PIK3CD: variants seen among roughly 807,000 people sequenced by gnomAD.
The protein encoded by PIK3CD is phosphatidylinositol 4,5-bisphosphate 3-kinase catalytic subunit delta isoform.
Under a neutral mutation model 122.9 loss-of-function variants are expected in PIK3CD, and 20 were observed. That is an observed-to-expected ratio of 0.16 (90% CI 0.11 to 0.24). The LOEUF (loss-of-function observed/expected upper bound fraction) is 0.24, where lower values mean the gene tolerates loss of function less well. PIK3CD is among the 10% of genes least tolerant of loss of function. PIK3CD has a pLI of 1.00. For synonymous variants in PIK3CD, 596 were observed against 593.4 expected, an observed-to-expected ratio of 1.00 and a Z score of -0.06; for missense variants, 787 against 1,406.3, an observed-to-expected ratio of 0.56 and a Z score of 7.04.
chr1:9,676,330 C>A (rs536757897), intron 1 of PIK3CD, among the ~76,000 whole-genome samples: 22 of 152,178 alleles, frequency 1.4e-4, no homozygotes, highest in Non-Finnish European at 2.5e-4. Flanking sequence ...CCGCCTCAGC[C>A]CCCCATAGTG....
chr1:9,717,411 G>A lies in PIK3CD; in HGVS notation c.931-126G>A. 1.0e-6 allele frequency: 1 copy of A among 991,712 alleles called. No homozygotes were observed. The highest frequency in any genetic ancestry group is 2.5e-5 in the East Asian group (1 of 40,550). 61.4% of individuals were successfully genotyped at this position (991,712 alleles called of 1,614,324 possible). On this transcript the variant is annotated intron_variant, in intron 7 of 23. Transcript: ENST00000377346. This position sits in a 1 kb window ranked among gnomAD's most constrained non-coding sequence, Gnocchi z 5.4. ...TGGGAAAGGATAGCATTGTGGACAGGCCCAAACCTGGCCGCAAACCTGTGA... is the reference window on the plus strand; with the variant it reads ...TGGGAAAGGATAGCATTGTGGACAGACCCAAACCTGGCCGCAAACCTGTGA...
rs546877285 is a variant in PIK3CD, at chr1:9,722,219, G to C, written c.2235-25G>C. On this transcript the variant is annotated intron_variant, in intron 17 of 23. Coordinates refer to ENST00000377346, the MANE Select transcript of PIK3CD (RefSeq NM_005026.5). The surrounding 1 kb of genome is among the most constrained non-coding windows in gnomAD (Gnocchi z 7.6). Reference sequence around the variant, plus strand: ...GGAGGCCGGTAGAGGAGCCCCTGCTGACTGCCCGCTCTCTGGCCTGGCAGC... The same window carrying C: ...GGAGGCCGGTAGAGGAGCCCCTGCTCACTGCCCGCTCTCTGGCCTGGCAGC... 19 of 1,611,348 alleles carry C rather than the reference G, an allele frequency of 1.2e-5. No individual in the cohort carries two copies. In the East Asian group the frequency reaches 3.8e-4, roughly 32 times the overall value.
chr1:9,669,970 TC>T (rs1481197211), intron 1 of PIK3CD, among the ~76,000 whole-genome samples: 1 of 151,952 alleles, frequency 6.6e-6, no homozygotes, highest in African/African-American at 2.4e-5. Flanking sequence ...GATCAGGAGT[TC>T]GAGACCAGCC....
chr1:9,639,319 T>A, the PIK3CD span, among the ~76,000 whole-genome samples: 72,212 of 151,700 alleles, frequency 0.48, 18,996 homozygotes, highest in East Asian at 0.82. Context: ...GGTATTTATC[T>A]AGAGAGATAG....
intron 1 of PIK3CD, chr1:9,653,676 G>A (rs1644748340): frequency 6.5e-6 from 4 of 612,164 alleles, no homozygotes; most frequent in South Asian, 3.4e-5. Context: ...TTTGGTTGAT[G>A]AGGCTGCGAC....
chr1:9,711,372 G>A (rs1308556681), intron 3 of PIK3CD, among the ~76,000 whole-genome samples: 2 of 152,186 alleles, frequency 1.3e-5, no homozygotes, highest in African/African-American at 2.4e-5. Flanking sequence ...TGGAATTACA[G>A]GTGTGAGTCA....
the PIK3CD span, among the ~76,000 whole-genome samples, chr1:9,642,625 G>A: frequency 1.3e-5 from 2 of 150,988 alleles, no homozygotes; most frequent in Non-Finnish European, 3.0e-5. Context: ...GCTGAGGCAG[G>A]AGAATGGTGT....
At chr1:9,703,436 T>A (rs1240665243) in intron 2 of PIK3CD, among the ~76,000 whole-genome samples, 1 of 151,318 alleles carries the variant, frequency 6.6e-6, no homozygotes, top group Non-Finnish European at 1.5e-5. Context: ...AGTCCCCAGC[T>A]CCCAGATTAA....
At position 9,710,648 on chromosome 1, in the gene PIK3CD, G is replaced by GAA. The variant is rs776300588; in HGVS notation, c.141+53_141+54insAA. The GAA allele has an allele frequency of 1.3e-6, 2 of 1,597,124 alleles. No homozygotes were observed. The highest frequency in any genetic ancestry group is 2.2e-5 in the South Asian group (2 of 90,634). On this transcript the variant is annotated intron_variant, in intron 3 of 23. Coordinates refer to ENST00000377346, the MANE Select transcript of PIK3CD (RefSeq NM_005026.5). This position sits in a 1 kb window ranked among gnomAD's most constrained non-coding sequence, Gnocchi z 4.7. ...CTTGGTGCTCAGAGAGAGAGAGAGA[G>GAA]AGAGAGACACAGATAGACAGACAGA...
At chr1:9,697,340 G>A (rs1646458428) in intron 2 of PIK3CD, among the ~76,000 whole-genome samples, 1 of 152,074 alleles carries the variant, frequency 6.6e-6, no homozygotes, top group Non-Finnish European at 1.5e-5. Flanking sequence ...ATGTGGAAGT[G>A]GAGGTCGGAG....
chr1:9,660,094 C>T (rs796365476), intron 1 of PIK3CD, among the ~76,000 whole-genome samples: 63 of 152,306 alleles, frequency 4.1e-4, no homozygotes, highest in African/African-American at 1.4e-3. Context: ...TTTGTACTTT[C>T]AGCAGACGGG....
At position 9,720,967 on chromosome 1, in the gene PIK3CD, C is replaced by G; in HGVS notation, c.1689+58C>G. 1 of 1,522,860 alleles carries G rather than the reference C, an allele frequency of 6.6e-7. No homozygotes were observed. Among genetic ancestry groups the G allele is most frequent in the Non-Finnish European group, 8.9e-7 (1 of 1,126,910 alleles). 94.3% of individuals were successfully genotyped at this position (1,522,860 alleles called of 1,614,324 possible). On this transcript the variant is annotated intron_variant, in intron 13 of 23. Transcript: ENST00000377346. This position sits in a 1 kb window ranked among gnomAD's most constrained non-coding sequence, Gnocchi z 9.0. ...GGGGGCAGACCACAGCCTCTGGCTA[C>G]CCACCACCCTGACCCCGGCCAACCC...
intron 1 of PIK3CD, among the ~76,000 whole-genome samples, chr1:9,673,282 C>T (rs982809761): frequency 3.3e-5 from 5 of 151,784 alleles, no homozygotes; most frequent in African/African-American, 4.8e-5. Flanking sequence ...TTTTTTGAAA[C>T]AGAGTCTCCC....
chr1:9,717,036 G>C lies in PIK3CD; in HGVS notation c.858G>C (p.Arg286=). 1 of 1,613,982 alleles carries C rather than the reference G, an allele frequency of 6.2e-7. No homozygotes were observed. Among genetic ancestry groups the C allele is most frequent in the Non-Finnish European group, 8.5e-7 (1 of 1,180,012 alleles). The part of the protein sequence containing the change: ...MVHSSSILAM[R]DEQSNPAPQV... ...ATTCCTCCTCCATCCTCGCCATGCG[G>C]GATGAGCAGAGCAACCCTGCCCCCC... The change falls in exon 7 of 24, where the codon CGG becomes CGC. Residue 286 remains arginine, a synonymous_variant. Transcript: ENST00000377346. This position sits in a 1 kb window ranked among gnomAD's most constrained non-coding sequence, Gnocchi z 5.4.
chr1:9,665,731 C>T (rs1322102759), intron 1 of PIK3CD, among the ~76,000 whole-genome samples: 6 of 152,138 alleles, frequency 3.9e-5, no homozygotes, highest in East Asian at 3.9e-4. Flanking sequence ...TTTCAGCTTT[C>T]GTCATCCTAT....
intron 1 of PIK3CD, among the ~76,000 whole-genome samples, chr1:9,676,025 G>A (rs947064451): frequency 2.0e-5 from 3 of 149,894 alleles, no homozygotes; most frequent in South Asian, 2.1e-4. Flanking sequence ...TCTACCTCCC[G>A]GGTTCAAGCG....
chr1:9,728,058 G>C lies in PIK3CD; in HGVS notation c.*1012G>C, dbSNP rs1325846887. The C allele has an allele frequency of 6.5e-6, 1 of 153,854 alleles. No homozygotes were observed. The allele number at this position is 153,854 out of a possible 1,614,324, so 9.5% of individuals were successfully genotyped here. On this transcript the variant is annotated 3_prime_UTR_variant, in exon 24 of 24. Coordinates refer to ENST00000377346, the MANE Select transcript of PIK3CD (RefSeq NM_005026.5). ...GACCTCAGGTGATCCACCCGCCTGAGCCTCCCAAAGTGCTGGGATTACAGG... is the reference window on the plus strand; with the variant it reads ...GACCTCAGGTGATCCACCCGCCTGACCCTCCCAAAGTGCTGGGATTACAGG...
intron 2 of PIK3CD, among the ~76,000 whole-genome samples, chr1:9,694,982 G>GAGAC (rs1553164606): frequency 2.0e-5 from 3 of 151,818 alleles, no homozygotes; most frequent in African/African-American, 7.3e-5. Flanking sequence ...AAGAGAGAGA[G>GAGAC]AGAGAGAGAC....
Position 9,724,977 on chromosome 1 carries a change from C to A in PIK3CD, c.2997+41C>A. ...GAGACTGCTGTCGCCAGTGGACTTC[C>A]AAGGCCTGCCCCCGAGCAATGTGAC... On this transcript the variant is annotated intron_variant, in intron 23 of 23. Transcript: ENST00000377346. The surrounding 1 kb of genome is among the most constrained non-coding windows in gnomAD (Gnocchi z 7.3). The A allele has an allele frequency of 4.3e-6, 7 of 1,611,170 alleles. No homozygotes were observed. Among genetic ancestry groups the A allele is most frequent in the Non-Finnish European group, 5.1e-6 (6 of 1,179,322 alleles).
Sources: gnomAD v4.1 joint callset for allele counts (sites outside exome capture counted in the v4.1 genomes callset) on GRCh38, gnomAD v4.1.1 for gene constraint, Gnocchi (gnomAD v3.1) non-coding constraint, MANE v1.5 for transcripts, NCBI Gene and HGNC (gene_info 2026-07-23, HGNC 2026-07-21) for gene names.